The following GRIK2 variants were observed in gnomAD, a reference collection of about 807,000 sequenced individuals.
GRIK2 encodes the protein glutamate ionotropic receptor kainate type subunit 2, also known as glutamate receptor ionotropic, kainate 2.
A neutral mutation model predicts 100.3 loss-of-function variants in GRIK2; 32 were observed. The observed-to-expected ratio is 0.32, with a 90% CI of 0.24 to 0.43. GRIK2 has a LOEUF of 0.43. Ranked by LOEUF, GRIK2 falls within the 20% of genes least tolerant of loss-of-function variation. The pLI is 1.00. For synonymous variants in GRIK2, 417 were observed against 389.4 expected (o/e 1.07, Z -0.83); for missense variants, 843 against 1,114.9 (o/e 0.76, Z 3.47).
At chr6:101,467,172 A>T (rs1771691199) in intron 2 of GRIK2, among the ~76,000 whole-genome samples, 1 of 152,174 alleles carries the variant, frequency 6.6e-6, no homozygotes, top group Admixed American at 6.5e-5. Context: ...ACCAGTTGGA[A>T]ATTTGTTGAA....
At chr6:101,835,595 C>T (rs1171898205) in intron 10 of GRIK2, among the ~76,000 whole-genome samples, 4 of 150,270 alleles carry the variant, frequency 2.7e-5, no homozygotes, top group Non-Finnish European at 4.4e-5. Flanking sequence ...CTCAGCCCCC[C>T]GAGCAGCTAG....
chr6:101,405,386 G>A (rs1035530717), intron 2 of GRIK2, among the ~76,000 whole-genome samples: 3 of 151,338 alleles, frequency 2.0e-5, no homozygotes, highest in Non-Finnish European at 4.4e-5. Flanking sequence ...AAAAAAAAAG[G>A]CATTTAAAAT....
intron 15 of GRIK2, among the ~76,000 whole-genome samples, chr6:102,041,744 A>G (rs2114453863): frequency 6.6e-6 from 1 of 151,702 alleles, no homozygotes; most frequent in African/African-American, 2.4e-5. Flanking sequence ...AATAGGTAGC[A>G]TAAAGAATTT....
intron 2 of GRIK2, among the ~76,000 whole-genome samples, chr6:101,566,544 T>C (rs1016295405): frequency 6.6e-6 from 1 of 151,752 alleles, no homozygotes; most frequent in African/African-American, 2.4e-5. Flanking sequence ...TTCAAGAAAT[T>C]AGAATCTGAA....
At chr6:101,659,966 G>A (rs772314144) in intron 4 of GRIK2, among the ~76,000 whole-genome samples, 6 of 152,062 alleles carry the variant, frequency 3.9e-5, no homozygotes, top group South Asian at 2.1e-4. Flanking sequence ...TGCTCTTCTC[G>A]AAGAGTATCT....
intron 7 of GRIK2, among the ~76,000 whole-genome samples, chr6:101,794,109 CTGTCACCCCTTTCCTTGACCAGGAAAGG>C (rs1423416661): frequency 6.6e-6 from 1 of 152,152 alleles, no homozygotes; most frequent in Non-Finnish European, 1.5e-5. Context: ...CAGGTGCTGT[CTGTCACCCCTTTCCTTGACCAGGAAAGG>C]GAACTCCCTG....
chr6:102,049,904 T>C (rs929851357), intron 15 of GRIK2, among the ~76,000 whole-genome samples: 6 of 152,162 alleles, frequency 3.9e-5, no homozygotes, highest in Non-Finnish European at 5.9e-5. Context: ...TTGATTTCAG[T>C]ATATATTTTT....
chr6:101,965,730 T>C (rs1792625558), intron 14 of GRIK2, among the ~76,000 whole-genome samples: 1 of 152,090 alleles, frequency 6.6e-6, no homozygotes, highest in African/African-American at 2.4e-5. Flanking sequence ...ATTTGAAGTC[T>C]GTGGAATTGG....
intron 7 of GRIK2, among the ~76,000 whole-genome samples, chr6:101,789,921 C>T (rs912516774): frequency 2.0e-5 from 3 of 152,136 alleles, no homozygotes; most frequent in East Asian, 1.9e-4. Context: ...AGGTCCTTCA[C>T]GTCCCTTGTA....
chr6:101,708,205 A>G (rs912006331), intron 7 of GRIK2, among the ~76,000 whole-genome samples: 1 of 151,796 alleles, frequency 6.6e-6, no homozygotes, highest in African/African-American at 2.4e-5. Context: ...TCCTTAATAG[A>G]CTACACCATA....
intron 7 of GRIK2, among the ~76,000 whole-genome samples, chr6:101,727,928 C>CA (rs1402762942): frequency 6.6e-6 from 1 of 151,472 alleles, no homozygotes; most frequent in Non-Finnish European, 1.5e-5. Flanking sequence ...ATGTTTAGCA[C>CA]AAAAAATGAT....
chr6:101,653,018 C>G (rs1379766033), intron 4 of GRIK2, among the ~76,000 whole-genome samples: 1 of 141,026 alleles, frequency 7.1e-6, no homozygotes, highest in Non-Finnish European at 1.6e-5. Flanking sequence ...TCTCCTCTGT[C>G]TCTCTATCTT....
chr6:101,592,558 G>T (rs1234357799), intron 2 of GRIK2, among the ~76,000 whole-genome samples: 1 of 138,120 alleles, frequency 7.2e-6, no homozygotes, highest in Non-Finnish European at 1.5e-5. Flanking sequence ...AAGCGATTCT[G>T]GAAGTCATGG....
chr6:101,819,528 G>C (rs979040614), intron 10 of GRIK2, among the ~76,000 whole-genome samples: 3 of 152,052 alleles, frequency 2.0e-5, no homozygotes, highest in Non-Finnish European at 4.4e-5. Context: ...GGACCTCAGT[G>C]GATACTCGCT....
chr6:101,830,815 C>T (rs569279234), intron 10 of GRIK2, among the ~76,000 whole-genome samples: 1 of 151,938 alleles, frequency 6.6e-6, no homozygotes, highest in South Asian at 2.1e-4. Context: ...GGAGATTTCT[C>T]AAAGAATTAA....
In GRIK2 at chr6:101,611,622, T is replaced by A. The variant is rs992204899; in HGVS notation, c.116-10327T>A. ...AAAATACTGGAGCCAGTCTTTTTATTAAATCAAAAATACCTGTTGTTTCAT... is the reference window on the plus strand; with the variant it reads ...AAAATACTGGAGCCAGTCTTTTTATAAAATCAAAAATACCTGTTGTTTCAT... On this transcript the variant is annotated intron_variant, in intron 2 of 16. Transcript: ENST00000369134. Among the ~76,000 whole-genome samples the A allele has an allele frequency of 2.0e-5, 3 of 151,828 alleles. No individual in the cohort carries two copies. In the South Asian group the frequency reaches 6.2e-4, roughly 31 times the overall value.
chr6:101,676,705 A>G lies in GRIK2; in HGVS notation c.624A>G (p.Thr208=). ...RLKIRQLPAD[T]KDAKPLLKEM... The stretch of plus-strand genomic sequence containing the variant: ...AAATTCGTCAGTTACCTGCTGATAC[A>G]AAGGATGCAAAACCCTTACTAAAAG... The change falls in exon 5 of 17, where the codon ACA becomes ACG. Residue 208 remains threonine (T), a synonymous_variant. Transcript: ENST00000369134. 3 of 1,605,212 alleles carry G rather than the reference A, an allele frequency of 1.9e-6. No homozygotes were observed. Among genetic ancestry groups the G allele is most frequent in the African/African-American group, 1.3e-5 (1 of 74,798 alleles).
Position 101,963,278 on chromosome 6 carries a change from A to ATTTTT in GRIK2, c.2085+34679_2085+34683dup, listed in dbSNP as rs3029099. On this transcript the variant is annotated intron_variant, in intron 14 of 16. Transcript: ENST00000369134. The stretch of plus-strand genomic sequence containing the variant: ...TATTTCATATTTATACTTATTTAGG[A>ATTTTT]TTTTTTTTTTTTTTTTTTTTTTTTT... Among the ~76,000 whole-genome samples the ATTTTT allele has an allele frequency of 1.4e-4, 4 of 27,842 alleles. 2 individuals carry two copies. The highest frequency in any genetic ancestry group is 2.5e-4 in the African/African-American group (2 of 8,044). 18.3% of individuals were successfully genotyped at this position (27,842 alleles called of 152,430 possible).
intron 2 of GRIK2, among the ~76,000 whole-genome samples, chr6:101,568,615 A>C (rs76664879): frequency 0.017 from 2,520 of 152,212 alleles, 84 homozygotes; most frequent in African/African-American, 0.058. Context: ...TTGAAGATGT[A>C]AATGATGCTA....
Sources: gnomAD v4.1 joint callset for allele counts (sites outside exome capture counted in the v4.1 genomes callset) on GRCh38, gnomAD v4.1.1 for gene constraint, MANE v1.5 for transcripts, NCBI Gene and HGNC (gene_info 2026-07-23, HGNC 2026-07-21) for gene names.